MTA3: variants seen among roughly 807,000 people sequenced by gnomAD.
MTA3 encodes metastasis associated 1 family member 3.
In MTA3, 34 loss-of-function variants were observed where a neutral mutation model predicts 83.5. That is an observed-to-expected ratio of 0.41 (90% CI 0.31 to 0.54). The LOEUF (loss-of-function observed/expected upper bound fraction) is 0.54. Ranked by LOEUF, MTA3 falls within the 20% of genes least tolerant of loss-of-function variation. The pLI, the probability that MTA3 is intolerant of heterozygous loss-of-function variation, is 0.33. For synonymous variants in MTA3, 303 were observed against 252.7 expected (o/e 1.20, Z -1.89); for missense variants, 761 against 726.4 (o/e 1.05, Z -0.55).
chr2:42,640,320 C>T, intron 5 of MTA3, 84 bp downstream of exon 5: 4 of 971,158 alleles, frequency 4.1e-6, no homozygotes, highest in Non-Finnish European at 6.1e-6. Context: ...TCTTTTTGTA[C>T]AAAAGTATTA....
chr2:42,707,110 G>T (rs1666163838), intron 12 of MTA3, among the ~76,000 whole-genome samples: 1 of 151,756 alleles, frequency 6.6e-6, no homozygotes, highest in Non-Finnish European at 1.5e-5. Context: ...GACTACAGGG[G>T]TTCACCACCA....
intron 5 of MTA3, among the ~76,000 whole-genome samples, 153 bp downstream of exon 5, chr2:42,640,389 G>A (rs991617685): frequency 7.2e-5 from 11 of 152,010 alleles, no homozygotes; most frequent in African/African-American, 2.2e-4. Context: ...GAATGCATTC[G>A]GGTAAATTTG....
At position 42,625,816 on chromosome 2, in the gene MTA3, T is replaced by C. The variant is rs1686020768; in HGVS notation, c.318-14357T>C. ...TCACCAGTCATTTTAATAAATCTAT[T>C]ATCTGCATGCACAGTTCTGTGTTGT... On this transcript the variant is annotated intron_variant, in intron 4 of 16. Coordinates refer to ENST00000405094, the MANE Select transcript of MTA3 (RefSeq NM_001330442.2). Among the ~76,000 whole-genome samples the C allele has an allele frequency of 1.3e-5, 2 of 151,582 alleles. 1 individual carries two copies. Among genetic ancestry groups the C allele is most frequent in the African/African-American group, 4.9e-5 (2 of 41,002 alleles).
At chr2:42,572,761 C>G (rs902822441) in intron 2 of MTA3, among the ~76,000 whole-genome samples, 4 of 152,088 alleles carry the variant, frequency 2.6e-5, no homozygotes, top group Non-Finnish European at 5.9e-5. Context: ...AGTTTTCACT[C>G]TTGTTGCCCA....
chr2:42,686,654 G>C (rs187767808), intron 9 of MTA3, among the ~76,000 whole-genome samples: 1 of 152,070 alleles, frequency 6.6e-6, no homozygotes, highest in East Asian at 1.9e-4. Context: ...GTGAAACCCT[G>C]TGTCTACTAA....
chr2:42,753,072 T>G (rs914686651), intron 16 of MTA3, among the ~76,000 whole-genome samples: 5 of 152,134 alleles, frequency 3.3e-5, no homozygotes, highest in Admixed American at 2.0e-4. Context: ...ACTACAGGCA[T>G]GCACCACCAC....
At chr2:42,584,222 G>A (rs1439697567) in intron 3 of MTA3, among the ~76,000 whole-genome samples, 3 of 151,986 alleles carry the variant, frequency 2.0e-5, no homozygotes, top group East Asian at 1.9e-4. Flanking sequence ...AGTATGCCTG[G>A]TGTTTCCATC....
chr2:42,622,802 A>G (rs1262864982), intron 4 of MTA3, among the ~76,000 whole-genome samples: 1 of 152,132 alleles, frequency 6.6e-6, no homozygotes, highest in African/African-American at 2.4e-5. Flanking sequence ...TCCATGTAAG[A>G]GAATCTTGAG....
intron 3 of MTA3, among the ~76,000 whole-genome samples, chr2:42,594,728 A>ATATATT: frequency 3.7e-4 from 9 of 24,036 alleles, no homozygotes; most frequent in East Asian, 1.2e-3. Flanking sequence ...ATATATATAT[A>ATATATT]TTTTTTTTTT....
intron 8 of MTA3, among the ~76,000 whole-genome samples, chr2:42,664,441 CCTA>C (rs1367465923): frequency 2.8e-5 from 4 of 141,054 alleles, no homozygotes; most frequent in African/African-American, 1.1e-4. Context: ...TATTTATGGT[CCTA>C]CTACCCCCTC....
intron 3 of MTA3, among the ~76,000 whole-genome samples, chr2:42,587,280 C>G (rs1307838242): frequency 1.3e-5 from 2 of 152,122 alleles, no homozygotes; most frequent in African/African-American, 2.4e-5. Flanking sequence ...CCACTGCACT[C>G]CAGCCCGTGT....
chr2:42,542,970 C>G (rs749086311), intron 2 of MTA3, among the ~76,000 whole-genome samples: 56 of 152,092 alleles, frequency 3.7e-4, no homozygotes, highest in Admixed American at 1.0e-3. Flanking sequence ...TAAGTCTCCC[C>G]GAGGAGTTTG....
At chr2:42,574,920 C>G (rs1195761778) in intron 2 of MTA3, among the ~76,000 whole-genome samples, 1 of 152,010 alleles carries the variant, frequency 6.6e-6, no homozygotes, top group East Asian at 1.9e-4. Flanking sequence ...TAGATCAGTC[C>G]GTGGATGGGA....
intron 6 of MTA3, among the ~76,000 whole-genome samples, chr2:42,655,099 C>T (rs1040579693): frequency 4.6e-5 from 7 of 152,190 alleles, no homozygotes; most frequent in Admixed American, 3.3e-4. Flanking sequence ...TGCTATGTCT[C>T]TCTCTCTCCT....
In MTA3 at chr2:42,753,491, A is replaced by G; in HGVS notation, c.*92A>G. The G allele has an allele frequency of 6.5e-7, 1 of 1,543,530 alleles. No individual in the cohort carries two copies. The highest frequency in any genetic ancestry group is 8.7e-7 in the Non-Finnish European group (1 of 1,143,006). On this transcript the variant is annotated 3_prime_UTR_variant, in exon 17 of 17. Transcript: ENST00000405094. ...CTGGGAAGAAGGCAGCCCCACTCCC[A>G]GTACATTTCAGTGGGAGACCTCTGC...
At position 42,537,278 on chromosome 2, in the gene MTA3, T is replaced by C. The variant is rs575678612; in HGVS notation, c.-140-33159T>C. The stretch of plus-strand genomic sequence containing the variant: ...ACCTGAACTCTTTAAAAGTTATCAA[T>C]GTTGGCCAGGTGCAGTGGCTCACAC... On this transcript the variant is annotated intron_variant, in intron 2 of 17. Coordinates refer to the MTA3 transcript ENST00000405592. Among the ~76,000 whole-genome samples, 8 of 152,228 alleles carry C rather than the reference T, an allele frequency of 5.3e-5. No homozygotes were observed. The South Asian group carries it at 1.7e-3, about 32-fold the overall frequency.
chr2:42,619,624 A>C (rs567538060), intron 4 of MTA3, among the ~76,000 whole-genome samples: 1 of 152,350 alleles, frequency 6.6e-6, no homozygotes, highest in East Asian at 1.9e-4. Context: ...TCCAAATAAA[A>C]TCTCAGCAGG....
chr2:42,655,101 C>G (rs1349381516), intron 6 of MTA3, among the ~76,000 whole-genome samples: 1 of 152,194 alleles, frequency 6.6e-6, no homozygotes, highest in East Asian at 1.9e-4. Context: ...CTATGTCTCT[C>G]TCTCTCCTTA....
intron 4 of MTA3, among the ~76,000 whole-genome samples, chr2:42,621,657 A>C (rs1344224628): frequency 6.6e-6 from 1 of 151,614 alleles, no homozygotes; most frequent in African/African-American, 2.4e-5. Context: ...CACCTCCCAG[A>C]CGGGGTGGCA....
Sources: allele counts gnomAD v4.1 joint callset (sites outside exome capture counted in the v4.1 genomes callset), GRCh38; gene constraint gnomAD v4.1.1; transcripts MANE v1.5; gene names NCBI Gene and HGNC (gene_info 2026-07-23, HGNC 2026-07-21).